The following PTPRF variants were observed in gnomAD, a reference collection of about 807,000 sequenced individuals.
PTPRF encodes the protein protein tyrosine phosphatase receptor type F, also known as receptor-type tyrosine-protein phosphatase F.
PTPRF carries 59 observed loss-of-function variants against 201.8 expected under a neutral mutation model. That is an observed-to-expected ratio of 0.29 (90% CI 0.24 to 0.36). The LOEUF is 0.36. PTPRF is among the 10% of genes least tolerant of loss of function. PTPRF has a pLI of 1.00. For synonymous variants in PTPRF, 1,088 were observed against 1,089.7 expected, an observed-to-expected ratio of 1.00 and a Z score of 0.03; for missense variants, 2,132 against 2,690.5, an observed-to-expected ratio of 0.79 and a Z score of 4.59.
At position 43,538,277 on chromosome 1, in the gene PTPRF, G is replaced by A. The variant is rs1644148537; in HGVS notation, c.-46G>A. ...GACCGGGGTGAAGAAGCAAAGACTC[G>A]GTGAGTGTGCCCCACAGAGTGGCCA... On this transcript the variant is annotated splice_region_variant and 5_prime_UTR_variant, in exon 2 of 34. Coordinates refer to ENST00000359947, the MANE Select transcript of PTPRF (RefSeq NM_002840.5). The A allele has an allele frequency of 2.5e-6, 1 of 398,806 alleles. No homozygotes were observed. Among genetic ancestry groups the A allele is most frequent in the Non-Finnish European group, 4.4e-6 (1 of 226,216 alleles). 24.7% of individuals were successfully genotyped at this position (398,806 alleles called of 1,614,324 possible).
At position 43,554,012 on chromosome 1, in the gene PTPRF, C is replaced by G; in HGVS notation, c.379+71C>G. The G allele has an allele frequency of 2.5e-6, 4 of 1,581,520 alleles. No homozygotes were observed. Among genetic ancestry groups the G allele is most frequent in the South Asian group, 1.2e-5 (1 of 86,414 alleles). On this transcript the variant is annotated intron_variant, in intron 5 of 33. Coordinates refer to ENST00000359947, the MANE Select transcript of PTPRF (RefSeq NM_002840.5). This position sits in a 1 kb window ranked among gnomAD's most constrained non-coding sequence, Gnocchi z 4.1. Reference sequence around the variant, plus strand: ...GTGGGAAGAGCCAGCCAGCCCTGATCCTGTCCTGGGCCCATGTGCATTTGG... The same window carrying G: ...GTGGGAAGAGCCAGCCAGCCCTGATGCTGTCCTGGGCCCATGTGCATTTGG...
At chr1:43,598,425 T>G (rs1652917210) in intron 12 of PTPRF, 6 of 501,936 alleles carry the variant, frequency 1.2e-5, no homozygotes, top group Admixed American at 3.6e-5. Flanking sequence ...TTGTGCTGAC[T>G]AGGGGTGGTC....
At chr1:43,528,355 AT>A (rs11318748), upstream of PTPRF, among the ~76,000 whole-genome samples, 3,058 of 149,060 alleles carry the variant, frequency 0.021, 103 homozygotes, top group African/African-American at 0.071. Context: ...TAATTTTTGT[AT>A]TTTTTTTTTC....
intron 5 of PTPRF, among the ~76,000 whole-genome samples, chr1:43,567,180 C>T (rs891459898): frequency 1.3e-5 from 2 of 152,080 alleles, no homozygotes; most frequent in African/African-American, 4.8e-5. Flanking sequence ...CTCTGGAGGG[C>T]ACCCAGGATG....
rs1190754541 is a variant in PTPRF at position 43,603,064 on chromosome 1, C to T, written c.2341-352C>T. On this transcript the variant is annotated intron_variant, in intron 14 of 33. Coordinates refer to ENST00000359947, the MANE Select transcript of PTPRF (RefSeq NM_002840.5). This position sits in a 1 kb window ranked among gnomAD's most constrained non-coding sequence, Gnocchi z 5.8. Reference sequence around the variant, plus strand: ...GCTGTGTGCGTGTGGCTGCCAAGAGCCACGCAAGGTGCTGGGTGCGTGCGA... The same window carrying T: ...GCTGTGTGCGTGTGGCTGCCAAGAGTCACGCAAGGTGCTGGGTGCGTGCGA... Among the ~76,000 whole-genome samples, 1 of 152,178 alleles carries T rather than the reference C, an allele frequency of 6.6e-6. No individual in the cohort carries two copies. The highest frequency in any genetic ancestry group is 2.4e-5 in the African/African-American group (1 of 41,440).
At chr1:43,564,807 C>G (rs1053835282) in intron 5 of PTPRF, among the ~76,000 whole-genome samples, 1 of 152,278 alleles carries the variant, frequency 6.6e-6, no homozygotes, top group South Asian at 2.1e-4. Context: ...AAAGGTCATA[C>G]TGACAGACGG....
chr1:43,545,095 C>T lies in PTPRF; in HGVS notation c.20C>T (p.Pro7Leu), dbSNP rs1644578352. The T allele has an allele frequency of 6.3e-7, 1 of 1,583,982 alleles. No individual in the cohort carries two copies. The highest frequency in any genetic ancestry group is 1.8e-5 in the Admixed American group (1 of 56,272). The change falls in exon 3 of 34, where the codon CCA becomes CTA. Residue 7 changes from proline (P) to leucine (L), a missense_variant. By Grantham distance (98) the Pro-to-Leu change is moderately conservative (BLOSUM62 -3). Transcript: ENST00000359947. ...CCCTGGATGGCCCCTGAGCCAGCCC[C>T]AGGGAGGACGATGGTGCCCCTTGTG... is the stretch of plus-strand genomic sequence containing the variant. MAPEPA[P>L]GRTMVPLVPA...
intron 7 of PTPRF, chr1:43,582,527 A>G (rs1647963609): frequency 6.6e-6 from 1 of 152,286 alleles, no homozygotes; most frequent in Admixed American, 6.5e-5. Flanking sequence ...AGCCTGGCCT[A>G]CCTGTGCCAG....
chr1:43,591,786 G>C (rs754939634), intron 9 of PTPRF, 26 bp from the exon 10 acceptor site: 19 of 1,612,050 alleles, frequency 1.2e-5, no homozygotes, highest in Non-Finnish European at 1.6e-5. Flanking sequence ...AGATGAGGCT[G>C]ACCTGCCTGG....
chr1:43,595,738 C>T (rs1469771789), intron 11 of PTPRF, among the ~76,000 whole-genome samples: 1 of 152,058 alleles, frequency 6.6e-6, no homozygotes, highest in Non-Finnish European at 1.5e-5. Context: ...GCTGCAGATG[C>T]AAGTACGGTG....
Position 43,620,866 on chromosome 1 carries a change from TC to T in PTPRF, c.5395del (p.Gln1799SerfsTer54). 6.2e-7 allele frequency: 1 copy of T among 1,613,692 alleles called. No individual in the cohort carries two copies. Among genetic ancestry groups the T allele is most frequent in the Non-Finnish European group, 8.5e-7 (1 of 1,179,704 alleles). ...RDGQSRTIRQ[F>X]QFTDWPEQGV... ...GGGCAGTCAAGGACAATCCGGCAGT[TC>T]CAGTTCACAGACTGGCCAGAGCAGG... is the stretch of plus-strand genomic sequence containing the variant. On this transcript the variant is annotated frameshift_variant, in exon 32 of 34. Coordinates refer to ENST00000359947, the MANE Select transcript of PTPRF (RefSeq NM_002840.5). LOFTEE classifies it high-confidence loss of function.
intron 26 of PTPRF, 72 bp downstream of exon 26, chr1:43,618,821 G>T: frequency 6.4e-7 from 1 of 1,559,668 alleles, no homozygotes; most frequent in Non-Finnish European, 8.7e-7. Context: ...TGGTGTGCTG[G>T]GTCGGGGGGA....
rs192971198 is a variant in PTPRF at position 43,554,249 on chromosome 1, C to T, written c.379+308C>T. On this transcript the variant is annotated intron_variant, in intron 5 of 33. Transcript: ENST00000359947. This position sits in a 1 kb window ranked among gnomAD's most constrained non-coding sequence, Gnocchi z 4.1. ...CTGCAGCTGTGTATCCCTTGGGTTACGTGGTTATGGCTGTGGCTGTTTGGC... is the reference window on the plus strand; with the variant it reads ...CTGCAGCTGTGTATCCCTTGGGTTATGTGGTTATGGCTGTGGCTGTTTGGC... Among the ~76,000 whole-genome samples the T allele has an allele frequency of 8.6e-4, 131 of 152,202 alleles. No homozygotes were observed. The highest frequency in any genetic ancestry group is 2.7e-3 in the African/African-American group (111 of 41,518).
At chr1:43,607,298 C>T (rs560619644) in intron 21 of PTPRF, among the ~76,000 whole-genome samples, 2 of 152,336 alleles carry the variant, frequency 1.3e-5, no homozygotes, top group Non-Finnish European at 2.9e-5. Context: ...TTTAAGACAC[C>T]GCCATCTCCT....
chr1:43,569,909 T>G, intron 6 of PTPRF, 131 bp downstream of exon 6: 1 of 1,035,436 alleles, frequency 9.7e-7, no homozygotes, highest in Non-Finnish European at 1.3e-6. Flanking sequence ...TGGGGTGGGC[T>G]GGGTCTTACT....
chr1:43,587,887 G>T (rs111548727), intron 7 of PTPRF, among the ~76,000 whole-genome samples: 2 of 152,192 alleles, frequency 1.3e-5, no homozygotes, highest in Non-Finnish European at 2.9e-5. Flanking sequence ...CTGTACCCTG[G>T]ACTGAGAAGC....
At chr1:43,527,449 G>T (rs1643166427), upstream of PTPRF, among the ~76,000 whole-genome samples, 1 of 152,242 alleles carries the variant, frequency 6.6e-6, no homozygotes, top group Non-Finnish European at 1.5e-5. Flanking sequence ...ATTACCTTGG[G>T]TTTGTATCTA....
intron 11 of PTPRF, among the ~76,000 whole-genome samples, chr1:43,597,545 G>A (rs1008813842): frequency 3.9e-5 from 6 of 152,116 alleles, no homozygotes; most frequent in Non-Finnish European, 8.8e-5. Flanking sequence ...AGAGAGGGAA[G>A]GAGAGAGAGG....
chr1:43,610,447 C>T (rs1279953189), intron 22 of PTPRF, among the ~76,000 whole-genome samples: 1 of 152,260 alleles, frequency 6.6e-6, no homozygotes, highest in Non-Finnish European at 1.5e-5. Flanking sequence ...AGGGGCACAG[C>T]AGGAACAGCT....
Sources: allele counts gnomAD v4.1 joint callset (sites outside exome capture counted in the v4.1 genomes callset), GRCh38; gene constraint gnomAD v4.1.1; non-coding constraint Gnocchi (gnomAD v3.1); transcripts MANE v1.5; gene names NCBI Gene and HGNC (gene_info 2026-07-23, HGNC 2026-07-21).